The following TTC36 variants were observed in gnomAD, a reference collection of about 807,000 sequenced individuals.
TTC36 encodes tetratricopeptide repeat domain 36, also known as tetratricopeptide repeat protein 36.
A neutral mutation model predicts 17.5 loss-of-function variants in TTC36; 15 were observed. That is an observed-to-expected ratio of 0.86 (90% CI 0.57 to 1.32). The LOEUF is 1.32. TTC36 is among the 40% of genes most tolerant of loss of function. TTC36 has a pLI of 0.00. For missense variants in TTC36, 292 were observed against 260.9 expected (o/e 1.12, Z -0.82); for synonymous variants, 112 against 109.8 (o/e 1.02, Z -0.13).
intron 2 of TTC36, among the ~76,000 whole-genome samples, chr11:118,529,171 G>GTT (rs1366361336): frequency 6.6e-6 from 1 of 152,170 alleles, no homozygotes; most frequent in African/African-American, 2.4e-5. Flanking sequence ...ATGTACTATT[G>GTT]TTATCCCCAG....
Position 118,530,992 on chromosome 11 carries a change from G to C in TTC36, c.*76G>C, listed in dbSNP as rs1233756495. ...ACCAATAAAGCCGTCGGGCCTCACC[G>C]ACTCCGCCTGCTCCTGCGTCCTGCC... On this transcript the variant is annotated 3_prime_UTR_variant, in exon 3 of 3. Transcript: ENST00000302783. This position sits in a 1 kb window ranked among gnomAD's most constrained non-coding sequence, Gnocchi z 5.8. 103 of 1,392,074 alleles carry C rather than the reference G, an allele frequency of 7.4e-5. 1 individual carries two copies. The highest frequency in any genetic ancestry group is 2.6e-4 in the Middle Eastern group (1 of 3,872). The allele number at this position is 1,392,074 out of a possible 1,614,324, so 86.2% of individuals were successfully genotyped here.
intron 1 of TTC36, 80 bp from the exon 2 acceptor site, chr11:118,528,522 AG>A: frequency 7.0e-7 from 1 of 1,436,418 alleles, no homozygotes; most frequent in Admixed American, 2.3e-5. Flanking sequence ...CTCAGATCTC[AG>A]AATTCCAAAG....
At position 118,530,469 on chromosome 11, in the gene TTC36, G is replaced by A. The variant is rs1478451004; in HGVS notation, c.308-185G>A. The A allele has an allele frequency of 6.2e-6, 4 of 640,654 alleles. No individual in the cohort carries two copies. The Admixed American group carries it at 1.3e-4, about 21-fold the overall frequency. 39.7% of individuals were successfully genotyped at this position (640,654 alleles called of 1,614,324 possible). The stretch of plus-strand genomic sequence containing the variant: ...GGCTGTAGAGCTTAACTCTTCCACA[G>A]TCTTCATCTGTGTAATGGGAATAAC... On this transcript the variant is annotated intron_variant, in intron 2 of 2. Coordinates refer to ENST00000302783, the MANE Select transcript of TTC36 (RefSeq NM_001080441.4). The surrounding 1 kb of genome is among the most constrained non-coding windows in gnomAD (Gnocchi z 5.8).
At position 118,530,459 on chromosome 11, in the gene TTC36, C is replaced by G. The variant is rs1555057150; in HGVS notation, c.308-195C>G. ...TAAGTGGCTTGGCTGTAGAGCTTAA[C>G]TCTTCCACAGTCTTCATCTGTGTAA... is the stretch of plus-strand genomic sequence containing the variant. On this transcript the variant is annotated intron_variant, in intron 2 of 2. Coordinates refer to ENST00000302783, the MANE Select transcript of TTC36 (RefSeq NM_001080441.4). This position sits in a 1 kb window ranked among gnomAD's most constrained non-coding sequence, Gnocchi z 5.8. The G allele has an allele frequency of 1.7e-6, 1 of 592,768 alleles. No homozygotes were observed. Among genetic ancestry groups the G allele is most frequent in the Non-Finnish European group, 2.6e-6 (1 of 386,106 alleles). The allele number at this position is 592,768 out of a possible 1,614,324, so 36.7% of individuals were successfully genotyped here.
chr11:118,527,986 C>G, intron 1 of TTC36: 2 of 463,282 alleles, frequency 4.3e-6, no homozygotes. Context: ...TTGAGTGGTT[C>G]CAATATAGCA....
At position 118,530,760 on chromosome 11, in the gene TTC36, AGAC is replaced by A; in HGVS notation, c.422_424del (p.Asp141del). Reference sequence around the variant, plus strand: ...GACTCCTGGCGCGGCTGCAGGGCCGAGACGACGACGCCCGCAGGGACTTCGAGA... The same window carrying A: ...GACTCCTGGCGCGGCTGCAGGGCCGAGACGACGCCCGCAGGGACTTCGAGA... On this transcript the variant is annotated inframe_deletion, in exon 3 of 3. Coordinates refer to ENST00000302783, the MANE Select transcript of TTC36 (RefSeq NM_001080441.4). The surrounding 1 kb of genome is among the most constrained non-coding windows in gnomAD (Gnocchi z 5.8). 2 of 1,507,026 alleles carry A rather than the reference AGAC, an allele frequency of 1.3e-6. No individual in the cohort carries two copies. The highest frequency in any genetic ancestry group is 1.8e-6 in the Non-Finnish European group (2 of 1,137,214). 93.4% of individuals were successfully genotyped at this position (1,507,026 alleles called of 1,614,324 possible).
Position 118,530,685 on chromosome 11 carries a change from G to C in TTC36, c.339G>C (p.Glu113Asp). The change falls in exon 3 of 3, where the codon GAG (glutamate) becomes GAC (aspartate). Residue 113 changes from glutamate (E) to aspartate (D), a missense_variant. By Grantham distance (45) the Glu-to-Asp change is conservative. Coordinates refer to ENST00000302783, the MANE Select transcript of TTC36 (RefSeq NM_001080441.4). This position sits in a 1 kb window ranked among gnomAD's most constrained non-coding sequence, Gnocchi z 5.8. ...GALEDLERAV[E>D]LSGGRGRAAR... ...TGGAGGATCTGGAACGCGCGGTGGA[G>C]CTGAGCGGCGGCCGGGGCCGCGCCG... 6.8e-7 allele frequency: 1 copy of C among 1,475,652 alleles called. No individual in the cohort carries two copies. 91.4% of individuals were successfully genotyped at this position (1,475,652 alleles called of 1,614,324 possible). A position where few individuals can be genotyped will look rare whatever the true frequency, so the allele number is the denominator to read the frequency against.
chr11:118,528,601 A>G lies in TTC36; in HGVS notation c.119-2A>G. The G allele has an allele frequency of 6.4e-7, 1 of 1,560,576 alleles. No homozygotes were observed. Among genetic ancestry groups the G allele is most frequent in the Non-Finnish European group, 8.7e-7 (1 of 1,149,456 alleles). On this transcript the variant is annotated splice_acceptor_variant, in intron 1 of 2. Coordinates refer to ENST00000302783, the MANE Select transcript of TTC36 (RefSeq NM_001080441.4). LOFTEE classifies it high-confidence loss of function. ...CTTCTCCTGGCTCCTTCCCTGGCCC[A>G]GATGAAGTTTTCCCTCAAGCACAGC... is the stretch of plus-strand genomic sequence containing the variant.
rs1951186535 is a variant in TTC36, at chr11:118,530,292, G to A, written c.308-362G>A. Among the ~76,000 whole-genome samples, 1 of 152,246 alleles carries A rather than the reference G, an allele frequency of 6.6e-6. No individual in the cohort carries two copies. Among genetic ancestry groups the A allele is most frequent in the African/African-American group, 2.4e-5 (1 of 41,470 alleles). On this transcript the variant is annotated intron_variant, in intron 2 of 2. Transcript: ENST00000302783. The surrounding 1 kb of genome is among the most constrained non-coding windows in gnomAD (Gnocchi z 5.8). ...CTTAATAACAGGTGTGGAATAAATT[G>A]GCTGCTACTTGCCCGGGCAGTGGGC...
Position 118,530,926 on chromosome 11 carries a change from A to C in TTC36, c.*10A>C. 2.7e-6 allele frequency: 4 copies of C among 1,486,550 alleles called. No homozygotes were observed. The highest frequency in any genetic ancestry group is 3.5e-6 in the Non-Finnish European group (4 of 1,127,816). The allele number at this position is 1,486,550 out of a possible 1,614,324, so 92.1% of individuals were successfully genotyped here. On this transcript the variant is annotated 3_prime_UTR_variant, in exon 3 of 3. Transcript: ENST00000302783. The surrounding 1 kb of genome is among the most constrained non-coding windows in gnomAD (Gnocchi z 5.8). ...CCGTGACAGCCGCTGAGCGCCGCGG[A>C]CCCGGGCGTCCGCGGGCGAGGGGAC...
At chr11:118,529,246 C>T (rs782336707) in intron 2 of TTC36, among the ~76,000 whole-genome samples, 32 of 152,172 alleles carry the variant, frequency 2.1e-4, no homozygotes, top group Non-Finnish European at 3.5e-4. Flanking sequence ...TACAGTCAGG[C>T]AGCAGCAGAG....
Position 118,530,942 on chromosome 11 carries a change from G to T in TTC36, c.*26G>T. 1 of 1,479,602 alleles carries T rather than the reference G, an allele frequency of 6.8e-7. No individual in the cohort carries two copies. Among genetic ancestry groups the T allele is most frequent in the Non-Finnish European group, 8.9e-7 (1 of 1,124,894 alleles). The allele number at this position is 1,479,602 out of a possible 1,614,324, so 91.7% of individuals were successfully genotyped here. ...GCGCCGCGGACCCGGGCGTCCGCGG[G>T]CGAGGGGACGGGACTGGGCCCTGAA... On this transcript the variant is annotated 3_prime_UTR_variant, in exon 3 of 3. Transcript: ENST00000302783. This position sits in a 1 kb window ranked among gnomAD's most constrained non-coding sequence, Gnocchi z 5.8.
chr11:118,527,603 C>G lies in TTC36; in HGVS notation c.109C>G (p.Arg37Gly). Residue 37 changes from arginine (R) to glycine (G), a missense_variant, in exon 1 of 3, where the codon CGA becomes GGA. Physicochemically the swap from Arg to Gly is moderately radical, Grantham distance 125. Transcript: ENST00000302783. Reference protein sequence around the residue: ...DLGEEAEKEEREEDEVFPQAQ... With the variant: ...DLGEEAEKEEGEEDEVFPQAQ... The stretch of plus-strand genomic sequence containing the variant: ...CGGAGAGGAAGCAGAAAAGGAAGAA[C>G]GAGAAGAAGGTGGGCATTTGATCTG... The G allele has an allele frequency of 1.2e-6, 2 of 1,613,346 alleles. No individual in the cohort carries two copies. Among genetic ancestry groups the G allele is most frequent in the East Asian group, 2.2e-5 (1 of 44,880 alleles).
At chr11:118,528,438 T>C (rs1164445796) in intron 1 of TTC36, among the ~76,000 whole-genome samples, 165 bp from the exon 2 acceptor site, 1 of 152,140 alleles carries the variant, frequency 6.6e-6, no homozygotes, top group African/African-American at 2.4e-5. Flanking sequence ...GCTCCCAGCC[T>C]TAGTGACCTC....
At chr11:118,529,952 T>C (rs535760315) in intron 2 of TTC36, among the ~76,000 whole-genome samples, 20 of 152,364 alleles carry the variant, frequency 1.3e-4, no homozygotes, top group African/African-American at 4.6e-4. Context: ...CCTGAAGTTC[T>C]GAGTTCAGAG....
In TTC36 at chr11:118,528,667, A is replaced by T; in HGVS notation, c.183A>T (p.Ala61=). 2 of 1,612,374 alleles carry T rather than the reference A, an allele frequency of 1.2e-6. No homozygotes were observed. The highest frequency in any genetic ancestry group is 1.7e-6 in the Non-Finnish European group (2 of 1,179,048). Residue 61 remains alanine, a synonymous_variant, in exon 2 of 3, where the codon GCA becomes GCT. Coordinates refer to ENST00000302783, the MANE Select transcript of TTC36 (RefSeq NM_001080441.4). ...SKALELQGVM[A]AEAGDLSTAL... ...CCCTGGAGCTGCAGGGGGTGATGGC[A>T]GCAGAGGCTGGGGACCTCAGCACAG...
At chr11:118,528,502 T>A in intron 1 of TTC36, 101 bp from the exon 2 acceptor site, 1 of 1,266,704 alleles carries the variant, frequency 7.9e-7, no homozygotes. Flanking sequence ...CCATACCCAG[T>A]CAGCTCTGGC....
At chr11:118,529,364 T>C (rs1951153310) in intron 2 of TTC36, among the ~76,000 whole-genome samples, 1 of 152,148 alleles carries the variant, frequency 6.6e-6, no homozygotes, top group South Asian at 2.1e-4. Context: ...CACATAATTC[T>C]GAGACCAGCA....
chr11:118,529,714 T>C (rs1208943797), intron 2 of TTC36, among the ~76,000 whole-genome samples: 1 of 152,214 alleles, frequency 6.6e-6, no homozygotes, highest in Non-Finnish European at 1.5e-5. Flanking sequence ...CAGGCTTATC[T>C]GCCCCAGATC....
Sources: gnomAD v4.1 joint callset for allele counts (sites outside exome capture counted in the v4.1 genomes callset) on GRCh38, gnomAD v4.1.1 for gene constraint, Gnocchi (gnomAD v3.1) non-coding constraint, MANE v1.5 for transcripts, NCBI Gene and HGNC (gene_info 2026-07-23, HGNC 2026-07-21) for gene names.